KCNH7: variants seen among roughly 807,000 people sequenced by gnomAD.
KCNH7 encodes voltage-gated inwardly rectifying potassium channel KCNH7.
Under a neutral mutation model 120.8 loss-of-function variants are expected in KCNH7, and 49 were observed. The observed-to-expected ratio is 0.41, with a 90% CI of 0.32 to 0.51. The LOEUF is 0.51. KCNH7 is among the 20% of genes least tolerant of loss of function. The pLI, the probability that KCNH7 is intolerant of heterozygous loss-of-function variation, is 0.38. For synonymous variants in KCNH7, 547 were observed against 516.1 expected (o/e 1.06, Z -0.81); for missense variants, 1,097 against 1,446.6 (o/e 0.76, Z 3.92).
At chr2:162,822,847 G>T (rs1685161253) in intron 2 of KCNH7, among the ~76,000 whole-genome samples, 1 of 152,166 alleles carries the variant, frequency 6.6e-6, no homozygotes. Flanking sequence ...TTCTAAAGGA[G>T]AATAGGATTG....
chr2:162,457,477 C>A (rs1478554730), intron 6 of KCNH7, among the ~76,000 whole-genome samples: 1 of 152,120 alleles, frequency 6.6e-6, no homozygotes, highest in Admixed American at 6.6e-5. Context: ...TTTCTTCATG[C>A]TAGTACACTG....
chr2:162,499,448 G>T (rs1238356163), intron 6 of KCNH7, among the ~76,000 whole-genome samples: 1 of 151,960 alleles, frequency 6.6e-6, no homozygotes, highest in Non-Finnish European at 1.5e-5. Flanking sequence ...TTACTGGCTG[G>T]ACTGTAGTGC....
intron 2 of KCNH7, among the ~76,000 whole-genome samples, chr2:162,751,292 G>T (rs1456929259): frequency 6.6e-6 from 1 of 152,094 alleles, no homozygotes; most frequent in Non-Finnish European, 1.5e-5. Context: ...ATTATATATT[G>T]TTCTACTAGG....
At chr2:162,441,749 C>T (rs1436863439) in intron 7 of KCNH7, among the ~76,000 whole-genome samples, 2 of 151,966 alleles carry the variant, frequency 1.3e-5, no homozygotes, top group Non-Finnish European at 2.9e-5. Flanking sequence ...ACCAATGACA[C>T]AGAAAAAATT....
intron 8 of KCNH7, among the ~76,000 whole-genome samples, chr2:162,434,014 G>T (rs181638964): frequency 6.6e-6 from 1 of 151,900 alleles, no homozygotes; most frequent in African/African-American, 2.4e-5. Context: ...TAAATAAAAC[G>T]TAGTACATAT....
intron 2 of KCNH7, among the ~76,000 whole-genome samples, chr2:162,707,630 G>A (rs777110797): frequency 1.2e-4 from 18 of 152,064 alleles, no homozygotes; most frequent in Admixed American, 7.9e-4. Flanking sequence ...CTACTGTAAG[G>A]AAGATGAAAT....
chr2:162,806,656 T>C (rs1377455731), intron 2 of KCNH7, among the ~76,000 whole-genome samples: 1 of 152,286 alleles, frequency 6.6e-6, no homozygotes, highest in South Asian at 2.1e-4. Context: ...GGAATATTAG[T>C]AGTCTCAGAC....
chr2:162,474,077 AT>A (rs1689653530), intron 6 of KCNH7, among the ~76,000 whole-genome samples: 1 of 152,220 alleles, frequency 6.6e-6, no homozygotes, highest in South Asian at 2.1e-4. Flanking sequence ...CAAGAGCTGC[AT>A]AAGAATTATC....
At chr2:162,659,818 C>A (rs1234697050) in intron 2 of KCNH7, among the ~76,000 whole-genome samples, 4 of 151,902 alleles carry the variant, frequency 2.6e-5, no homozygotes, top group Admixed American at 1.3e-4. Context: ...TAGAAGGTAT[C>A]CCTGCTACTT....
chr2:162,601,607 CTTCTT>C (rs1340572249), intron 2 of KCNH7, among the ~76,000 whole-genome samples: 1 of 151,738 alleles, frequency 6.6e-6, no homozygotes, highest in African/African-American at 2.4e-5. Context: ...TGTAACTTGT[CTTCTT>C]TGAAGGTTAA....
At chr2:162,725,226 C>T (rs1574310573) in intron 2 of KCNH7, among the ~76,000 whole-genome samples, 1 of 152,048 alleles carries the variant, frequency 6.6e-6, no homozygotes, top group Non-Finnish European at 1.5e-5. Flanking sequence ...TGATTATATG[C>T]AATTAATCAT....
chr2:162,768,496 A>C (rs150302875), intron 2 of KCNH7, among the ~76,000 whole-genome samples: 117 of 152,290 alleles, frequency 7.7e-4, no homozygotes, highest in African/African-American at 2.5e-3. Context: ...CCACAGACTT[A>C]ATTAAGCAAT....
chr2:162,587,591 G>A (rs762000227), intron 2 of KCNH7, among the ~76,000 whole-genome samples: 11 of 151,902 alleles, frequency 7.2e-5, no homozygotes, highest in African/African-American at 2.2e-4. Flanking sequence ...ACACACACAC[G>A]CAAGCACATT....
chr2:162,831,311 T>C (rs1244983921), intron 2 of KCNH7, among the ~76,000 whole-genome samples: 2 of 152,152 alleles, frequency 1.3e-5, no homozygotes, highest in Non-Finnish European at 2.9e-5. Flanking sequence ...GGAATAGCTC[T>C]CTCCCAGTAT....
At chr2:162,573,659 T>C (rs778117634) in intron 2 of KCNH7, among the ~76,000 whole-genome samples, 3 of 152,030 alleles carry the variant, frequency 2.0e-5, no homozygotes, top group Admixed American at 2.0e-4. Flanking sequence ...GTGTGTGTGT[T>C]TATGTTGCAT....
intron 4 of KCNH7, among the ~76,000 whole-genome samples, chr2:162,516,868 C>A (rs1378761522): frequency 2.0e-5 from 3 of 151,692 alleles, no homozygotes; most frequent in Admixed American, 6.6e-5. Flanking sequence ...AGCTCTGTAA[C>A]CTTAGTCTAG....
intron 2 of KCNH7, among the ~76,000 whole-genome samples, chr2:162,769,431 A>T (rs1305592696): frequency 6.6e-6 from 1 of 152,124 alleles, no homozygotes; most frequent in African/African-American, 2.4e-5. Flanking sequence ...TGCTGCATAC[A>T]AACAAATTTA....
intron 13 of KCNH7, among the ~76,000 whole-genome samples, chr2:162,381,082 T>G (rs752955297): frequency 6.6e-6 from 1 of 151,866 alleles, no homozygotes; most frequent in Admixed American, 6.6e-5. Context: ...GAGCTGGGAG[T>G]TGACTTTGGA....
chr2:162,465,669 C>T (rs1250382513), intron 6 of KCNH7, among the ~76,000 whole-genome samples: 2 of 152,046 alleles, frequency 1.3e-5, no homozygotes, highest in South Asian at 4.1e-4. Flanking sequence ...GCATTGTATT[C>T]ATTGAGGTTA....
Sources: gnomAD v4.1 joint callset for allele counts (sites outside exome capture counted in the v4.1 genomes callset) on GRCh38, gnomAD v4.1.1 for gene constraint, MANE v1.5 for transcripts, NCBI Gene and HGNC (gene_info 2026-07-23, HGNC 2026-07-21) for gene names.